ZSCAN10: variants seen among roughly 807,000 people sequenced by gnomAD.
ZSCAN10 encodes the protein zinc finger and SCAN domain containing 10, also known as zinc finger and SCAN domain-containing protein 10.
A neutral mutation model predicts 63.7 loss-of-function variants in ZSCAN10; 52 were observed. That is an observed-to-expected ratio of 0.82 (90% CI 0.65 to 1.03). ZSCAN10 has a LOEUF of 1.03. Among genes scored for constraint, ZSCAN10 ranks in the 50% least tolerant of loss-of-function variants. The pLI is 0.00. For missense variants in ZSCAN10, 1,223 were observed against 1,103.8 expected (o/e 1.11, Z -1.53); for synonymous variants, 544 against 479.6 (o/e 1.13, Z -1.76).
Position 3,092,913 on chromosome 16 carries a change from C to A in ZSCAN10, c.25G>T (p.Ala9Ser). MLGESVPA[A>S]VEQEQLGEVK... The stretch of plus-strand genomic sequence containing the variant: ...TCCCCCAGCTGCTCCTGCTCCACGG[C>A]AGCTGGGACTGATTCTCCAAGCATC... The change falls in exon 2 of 6, where the codon GCC becomes TCC. Residue 9 changes from alanine to serine, a missense_variant. Physicochemically the swap from Ala to Ser is moderately conservative, Grantham distance 99 (BLOSUM62 1). Transcript: ENST00000576985. 7.0e-7 allele frequency: 1 copy of A among 1,431,784 alleles called. No homozygotes were observed. The highest frequency in any genetic ancestry group is 9.1e-7 in the Non-Finnish European group (1 of 1,092,962). The allele number at this position is 1,431,784 out of a possible 1,614,324, so 88.7% of individuals were successfully genotyped here. A position where few individuals can be genotyped will look rare whatever the true frequency, so the allele number is the denominator to read the frequency against.
At chr16:3,096,079 G>C (rs576327270) in intron 1 of ZSCAN10, among the ~76,000 whole-genome samples, 19 of 152,254 alleles carry the variant, frequency 1.2e-4, no homozygotes, top group Admixed American at 1.0e-3. Context: ...CCCAATCTAG[G>C]GCTGTGGGGC....
Position 3,090,342 on chromosome 16 carries a change from C to T in ZSCAN10, c.1092G>A (p.Ala364=), listed in dbSNP as rs750854179. 1.9e-5 allele frequency: 31 copies of T among 1,610,782 alleles called. No individual in the cohort carries two copies. The African/African-American group carries it at 2.0e-4, about 10-fold the overall frequency. The change falls in exon 6 of 6, where the codon GCG becomes GCA. Residue 364 remains alanine, a synonymous_variant. Transcript: ENST00000576985. The stretch of plus-strand genomic sequence containing the variant: ...CAGCCGGGTGCGAGCGCAGCTGGTG[C>T]GCCTTCAGGCGAGACAGCTGCGGGA... ...VSFPQLSRLK[A]HQLRSHPAGR...
Position 3,090,666 on chromosome 16 carries a change from A to G in ZSCAN10, c.788-20T>C. On this transcript the variant is annotated intron_variant, in intron 5 of 5. Transcript: ENST00000576985. ...CGAATCCTGGGAAACAAGACAAAAC[A>G]GGGACGGTCAGGCCTATTCCCAGGG... 1 of 1,512,776 alleles carries G rather than the reference A, an allele frequency of 6.6e-7. No homozygotes were observed. Among genetic ancestry groups the G allele is most frequent in the Non-Finnish European group, 8.8e-7 (1 of 1,134,030 alleles). The allele number at this position is 1,512,776 out of a possible 1,614,324, so 93.7% of individuals were successfully genotyped here.
At chr16:3,096,928 CAA>C (rs34786703) in intron 1 of ZSCAN10, among the ~76,000 whole-genome samples, 13,866 of 105,000 alleles carry the variant, frequency 0.13, 828 homozygotes, top group East Asian at 0.36. Context: ...GACTCTGCCT[CAA>C]AAAAAAAAAA....
Position 3,089,352 on chromosome 16 carries a change from C to A in ZSCAN10, c.2082G>T (p.Thr694=), listed in dbSNP as rs979479909. 4 of 1,595,164 alleles carry A rather than the reference C, an allele frequency of 2.5e-6. No homozygotes were observed. Among genetic ancestry groups the A allele is most frequent in the Middle Eastern group, 1.7e-4 (1 of 6,056 alleles). The change falls in exon 6 of 6, where the codon ACG becomes ACT. Residue 694 remains threonine (T), a synonymous_variant. Transcript: ENST00000576985. ...HTGERPYSCQ[T]CGRSFRRNAH... is the part of the protein sequence containing the mutation. ...CGTTGCGCCGGAAGCTGCGACCGCA[C>A]GTCTGACAGCTGTAGGGCCGCTCGC...
chr16:3,090,322 G>C lies in ZSCAN10; in HGVS notation c.1112C>G (p.Pro371Arg), dbSNP rs767550774. The change falls in exon 6 of 6, where the codon CCG becomes CGG. Residue 371 changes from proline to arginine, a missense_variant. Transcript: ENST00000576985. ...AAGGCACAGGAAGGAGCGCCCAGCC[G>C]GGTGCGAGCGCAGCTGGTGCGCCTT... ...RLKAHQLRSH[P>R]AGRSFLCLCC... 3.1e-6 allele frequency: 5 copies of C among 1,609,750 alleles called. No homozygotes were observed. Among genetic ancestry groups the C allele is most frequent in the South Asian group, 1.1e-5 (1 of 90,796 alleles).
chr16:3,090,517 T>G lies in ZSCAN10; in HGVS notation c.917A>C (p.Gln306Pro), dbSNP rs1332834441. The G allele has an allele frequency of 6.2e-7, 1 of 1,613,048 alleles. No homozygotes were observed. The highest frequency in any genetic ancestry group is 8.5e-7 in the Non-Finnish European group (1 of 1,179,588). ...AGCCGCAGCGCCCCGTCCGAGCGAC[T>G]GGGCGCAAGGCTCTCCCGGCACCCC... ...SPGVPGEPCA[Q>P]SLGRGAAASG... is the part of the protein sequence containing the mutation. Residue 306 changes from glutamine (Q) to proline (P), a missense_variant, in exon 6 of 6, where the codon CAG (glutamine) becomes CCG (proline). Transcript: ENST00000576985.
rs760578709 is a variant in ZSCAN10 at position 3,089,614 on chromosome 16, T to C, written c.1820A>G (p.His607Arg). Residue 607 changes from histidine (H) to arginine (R), a missense_variant, in exon 6 of 6, where the codon CAC becomes CGC. Transcript: ENST00000576985. ...LLTHGGPRPH[H>R]CTQCGKSFGQ... ...GAAACTCTTCCCGCACTGGGTGCAG[T>C]GGTGGGGCCGAGGGCCACCGTGGGT... The C allele has an allele frequency of 1.9e-6, 3 of 1,585,276 alleles. No individual in the cohort carries two copies. The highest frequency in any genetic ancestry group is 2.6e-6 in the Non-Finnish European group (3 of 1,166,132).
At chr16:3,097,990 C>G (rs1204169624) in intron 1 of ZSCAN10, among the ~76,000 whole-genome samples, 1 of 144,906 alleles carries the variant, frequency 6.9e-6, no homozygotes, top group East Asian at 2.0e-4. Flanking sequence ...CTGCAGTGAG[C>G]CATGTTCGCG....
At position 3,089,496 on chromosome 16, in the gene ZSCAN10, G is replaced by A. The variant is rs148500576; in HGVS notation, c.1938C>T (p.Ser646=). ...TGCGCTGGTGGCGCGCCAGGTGGGC[G>A]CTCTGGCTGAAGCCCTCACCGCACT... ...CSECGEGFSQ[S]AHLARHQRIH... The change falls in exon 6 of 6, where the codon AGC becomes AGT. Residue 646 remains serine (S), a synonymous_variant. Coordinates refer to ENST00000576985, the MANE Select transcript of ZSCAN10 (RefSeq NM_032805.3). 2.4e-4 allele frequency: 381 copies of A among 1,601,936 alleles called. No individual in the cohort carries two copies. Among genetic ancestry groups the A allele is most frequent in the African/African-American group, 8.9e-4 (66 of 74,496 alleles).
At chr16:3,094,294 G>GT (rs1957127832) in intron 1 of ZSCAN10, among the ~76,000 whole-genome samples, 1 of 152,168 alleles carries the variant, frequency 6.6e-6, no homozygotes, top group Non-Finnish European at 1.5e-5. Flanking sequence ...AATTACAGGC[G>GT]TGAGCCACTG....
chr16:3,093,992 TA>T (rs1957123135), intron 1 of ZSCAN10, among the ~76,000 whole-genome samples: 1 of 152,146 alleles, frequency 6.6e-6, no homozygotes, highest in African/African-American at 2.4e-5. Context: ...GCCTGTTTTT[TA>T]AATTTTTAAT....
At chr16:3,090,694 A>G (rs980420663) in intron 5 of ZSCAN10, 48 bp from the exon 6 acceptor site, 1 of 1,487,782 alleles carries the variant, frequency 6.7e-7, no homozygotes, top group Non-Finnish European at 8.9e-7. Context: ...TCCCAGGGCC[A>G]CTATCAATCA....
intron 1 of ZSCAN10, among the ~76,000 whole-genome samples, chr16:3,094,342 C>T (rs1049340900): frequency 6.6e-6 from 1 of 151,952 alleles, no homozygotes; most frequent in African/African-American, 2.4e-5. Context: ...ATCCAACCAG[C>T]CTTTATTTAT....
In ZSCAN10 at chr16:3,089,041, A is replaced by C; in HGVS notation, c.*50T>G. ...ACATTCCTGCAGGCCTCCGCTGTGG[A>C]GGACCCCGGGTAGGTGGCGCAGGGC... On this transcript the variant is annotated 3_prime_UTR_variant, in exon 6 of 6. Transcript: ENST00000576985. 1 of 1,441,108 alleles carries C rather than the reference A, an allele frequency of 6.9e-7. No homozygotes were observed. 89.3% of individuals were successfully genotyped at this position (1,441,108 alleles called of 1,614,324 possible). A position where few individuals can be genotyped will look rare whatever the true frequency, so the allele number is the denominator to read the frequency against.
chr16:3,098,838 T>C (rs1409000034), intron 1 of ZSCAN10, among the ~76,000 whole-genome samples: 1 of 152,184 alleles, frequency 6.6e-6, no homozygotes, highest in African/African-American at 2.4e-5. Flanking sequence ...ACACTCCCTT[T>C]CTCCCTGGAC....
At chr16:3,092,451 G>A (rs1484621372) in intron 2 of ZSCAN10, 91 bp downstream of exon 2, 10 of 1,468,732 alleles carry the variant, frequency 6.8e-6, no homozygotes, top group Admixed American at 2.4e-5. Context: ...ATGGTCAGGT[G>A]GGGGAAAGTG....
In ZSCAN10 at chr16:3,089,563, T is replaced by A; in HGVS notation, c.1871A>T (p.His624Leu). 1 of 1,595,826 alleles carries A rather than the reference T, an allele frequency of 6.3e-7. No individual in the cohort carries two copies. Among genetic ancestry groups the A allele is most frequent in the Non-Finnish European group, 8.5e-7 (1 of 1,171,604 alleles). The change falls in exon 6 of 6, where the codon CAC becomes CTC. Residue 624 changes from histidine to leucine, a missense_variant. Transcript: ENST00000576985. ...CTTCTCGCCCGTGTGGCTGCGCTGG[T>A]GGCGGGCCAGATCCTGGGTCTGGCC... ...SFGQTQDLAR[H>L]QRSHTGEKPC...
At chr16:3,091,494 A>G (rs1304835706) in intron 5 of ZSCAN10, 46 bp downstream of exon 5, 2 of 1,599,724 alleles carry the variant, frequency 1.3e-6, no homozygotes, top group Non-Finnish European at 1.7e-6. Flanking sequence ...AAGACAAGAA[A>G]AGAAAGAGGC....
Sources: allele counts gnomAD v4.1 joint callset (sites outside exome capture counted in the v4.1 genomes callset), GRCh38; gene constraint gnomAD v4.1.1; transcripts MANE v1.5; gene names NCBI Gene and HGNC (gene_info 2026-07-23, HGNC 2026-07-21).